The following OLFM3 variants were observed in gnomAD, a reference collection of about 807,000 sequenced individuals.
The protein encoded by OLFM3 is olfactomedin 3.
OLFM3 carries 20 observed loss-of-function variants against 48.6 expected under a neutral mutation model. The observed-to-expected ratio is 0.41, with a 90% CI of 0.29 to 0.60. OLFM3 has a LOEUF of 0.60. Among genes scored for constraint, OLFM3 ranks in the 20% least tolerant of loss-of-function variants. The pLI is 0.28. For synonymous variants in OLFM3, 222 were observed against 198.1 expected, an observed-to-expected ratio of 1.12 and a Z score of -1.01; for missense variants, 437 against 544.3, an observed-to-expected ratio of 0.80 and a Z score of 1.96.
At chr1:101,960,834 G>T (rs988783000) in intron 1 of OLFM3, among the ~76,000 whole-genome samples, 1 of 152,086 alleles carries the variant, frequency 6.6e-6, no homozygotes, top group East Asian at 1.9e-4. Flanking sequence ...AGCATCCATC[G>T]TTAACCACTC....
intron 1 of OLFM3, among the ~76,000 whole-genome samples, chr1:101,870,090 A>G (rs1657017085): frequency 6.6e-6 from 1 of 152,216 alleles, no homozygotes; most frequent in Admixed American, 6.5e-5. Context: ...AACAATATTA[A>G]CATTCCCATC....
chr1:101,955,410 C>T (rs574251410), intron 1 of OLFM3, among the ~76,000 whole-genome samples: 1 of 152,026 alleles, frequency 6.6e-6, no homozygotes, highest in South Asian at 2.1e-4. Context: ...ACATCTTTAA[C>T]CTTTCTTGCT....
At chr1:101,906,459 T>C (rs892964984) in intron 1 of OLFM3, among the ~76,000 whole-genome samples, 1 of 152,256 alleles carries the variant, frequency 6.6e-6, no homozygotes, top group East Asian at 1.9e-4. Flanking sequence ...GCCCTCATTG[T>C]ACATGTAAGA....
intron 1 of OLFM3, among the ~76,000 whole-genome samples, chr1:101,890,978 G>A (rs1027264666): frequency 1.3e-5 from 2 of 151,920 alleles, no homozygotes; most frequent in African/African-American, 4.8e-5. Context: ...CATGCCTTAT[G>A]CAATATAGCC....
intron 1 of OLFM3, among the ~76,000 whole-genome samples, chr1:101,857,313 T>C (rs994131193): frequency 6.6e-6 from 1 of 151,940 alleles, no homozygotes; most frequent in Non-Finnish European, 1.5e-5. Flanking sequence ...CACATAGAAA[T>C]ATCTGAGTTC....
chr1:101,989,819 AAATT>A (rs1218731336), intron 1 of OLFM3, among the ~76,000 whole-genome samples: 2 of 152,204 alleles, frequency 1.3e-5, no homozygotes, highest in African/African-American at 4.8e-5. Flanking sequence ...AACAGTAGAG[AAATT>A]ATATTCCTAA....
At chr1:101,873,004 T>A (rs1311459787) in intron 1 of OLFM3, among the ~76,000 whole-genome samples, 1 of 151,992 alleles carries the variant, frequency 6.6e-6, no homozygotes, top group African/African-American at 2.4e-5. Context: ...AAAATTTATG[T>A]TTCAGTGAAT....
intron 1 of OLFM3, among the ~76,000 whole-genome samples, chr1:101,847,666 C>T (rs1378407868): frequency 6.6e-6 from 1 of 152,106 alleles, no homozygotes; most frequent in Non-Finnish European, 1.5e-5. Flanking sequence ...AAAAGACAGC[C>T]TTGCAGAAAA....
intron 1 of OLFM3, among the ~76,000 whole-genome samples, chr1:101,878,448 T>A (rs1241786815): frequency 6.6e-6 from 1 of 151,920 alleles, no homozygotes; most frequent in Non-Finnish European, 1.5e-5. Flanking sequence ...ACTGGTCACA[T>A]CAGAGGGAAG....
intron 1 of OLFM3, among the ~76,000 whole-genome samples, chr1:101,942,134 T>C (rs1187937554): frequency 6.6e-6 from 1 of 152,148 alleles, no homozygotes; most frequent in East Asian, 1.9e-4. Flanking sequence ...CTTAATCATT[T>C]TGGGGTAATG....
chr1:101,910,397 C>T (rs1292223623), intron 1 of OLFM3, among the ~76,000 whole-genome samples: 1 of 150,450 alleles, frequency 6.6e-6, no homozygotes, highest in South Asian at 2.1e-4. Flanking sequence ...ACCCGGGAGG[C>T]GGAGCTTGCA....
intron 1 of OLFM3, among the ~76,000 whole-genome samples, chr1:101,886,162 G>C (rs2100997884): frequency 6.6e-6 from 1 of 151,946 alleles, no homozygotes; most frequent in Admixed American, 6.6e-5. Flanking sequence ...TTTTCCTTTT[G>C]AGTTCATGCA....
At chr1:101,871,257 T>C (rs143965952) in intron 1 of OLFM3, among the ~76,000 whole-genome samples, 48 of 152,224 alleles carry the variant, frequency 3.2e-4, no homozygotes, top group Middle Eastern at 6.8e-3. Context: ...GTCACTTAAC[T>C]ATAAATCTCA....
At chr1:101,994,000 A>G (rs1053521779) in intron 1 of OLFM3, among the ~76,000 whole-genome samples, 2 of 151,458 alleles carry the variant, frequency 1.3e-5, no homozygotes, top group African/African-American at 2.4e-5. Flanking sequence ...TAAACATTAT[A>G]TAGTCTTCCA....
At chr1:101,915,335 A>G (rs1356109189) in intron 1 of OLFM3, among the ~76,000 whole-genome samples, 1 of 151,732 alleles carries the variant, frequency 6.6e-6, no homozygotes, top group Non-Finnish European at 1.5e-5. Context: ...AAATAATTGT[A>G]CATTTAATCC....
chr1:101,857,999 A>C (rs139785995), intron 1 of OLFM3, among the ~76,000 whole-genome samples: 1 of 152,082 alleles, frequency 6.6e-6, no homozygotes, highest in African/African-American at 2.4e-5. Context: ...TGTAGGTCAC[A>C]ATTTACATTT....
Position 101,830,754 on chromosome 1 carries a change from AT to A in OLFM3, c.289del (p.Met97TrpfsTer5). 2 of 1,614,124 alleles carry A rather than the reference AT, an allele frequency of 1.2e-6. No individual in the cohort carries two copies. Among genetic ancestry groups the A allele is most frequent in the Non-Finnish European group, 1.7e-6 (2 of 1,179,974 alleles). ...CTTCAGCCCTTTCATTTGGGTTTCC[AT>A]TTTTAAAACATATTGGAAATCTCTC... ...TQRDFQYVLK[M>X]ETQMKGLKAK... On this transcript the variant is annotated frameshift_variant, in exon 3 of 6. Coordinates refer to ENST00000370103, the MANE Select transcript of OLFM3 (RefSeq NM_058170.4). LOFTEE classifies it high-confidence loss of function.
intron 1 of OLFM3, chr1:101,882,689 A>T (rs777550861): frequency 6.6e-6 from 1 of 151,728 alleles, no homozygotes; most frequent in Admixed American, 6.6e-5. Flanking sequence ...GAAGACCACA[A>T]TCTAGATAGA....
chr1:101,820,912 T>C (rs2100889450), intron 4 of OLFM3, among the ~76,000 whole-genome samples: 1 of 152,232 alleles, frequency 6.6e-6, no homozygotes, highest in Non-Finnish European at 1.5e-5. Context: ...GAAGCATTTG[T>C]GTAGAGTGAA....
Sources: gnomAD v4.1 joint callset for allele counts (sites outside exome capture counted in the v4.1 genomes callset) on GRCh38, gnomAD v4.1.1 for gene constraint, MANE v1.5 for transcripts, NCBI Gene and HGNC (gene_info 2026-07-23, HGNC 2026-07-21) for gene names.